Variants in USH2A observed in about 807,000 individuals in gnomAD.
USH2A encodes the protein Usher syndrome 2A (autosomal recessive, mild).
Under a neutral mutation model 538.9 loss-of-function variants are expected in USH2A, and 443 were observed. The observed-to-expected ratio is 0.82, with a 90% CI of 0.76 to 0.89. The LOEUF (loss-of-function observed/expected upper bound fraction) is 0.89. Among genes scored for constraint, USH2A ranks in the 40% least tolerant of loss-of-function variants. USH2A has a pLI of 0.00. For synonymous variants in USH2A, 2,413 were observed against 2,273.5 expected (o/e 1.06, Z -1.75); for missense variants, 6,633 against 6,324.8 (o/e 1.05, Z -1.65).
Position 215,758,734 on chromosome 1 carries a change from T to A in USH2A, c.11250A>T (p.Glu3750Asp), listed in dbSNP as rs1450982768. 4 of 1,613,876 alleles carry A rather than the reference T, an allele frequency of 2.5e-6. No individual in the cohort carries two copies. Among genetic ancestry groups the A allele is most frequent in the South Asian group, 2.2e-5 (2 of 91,090 alleles). Residue 3750 changes from glutamate (E) to aspartate (D), a missense_variant, in exon 58 of 72, where the codon GAA becomes GAT. By Grantham distance (45) the Glu-to-Asp change is conservative. Coordinates refer to ENST00000307340, the MANE Select transcript of USH2A (RefSeq NM_206933.4). ...EPNSRYTYKL[E>D]VKTGGGSSAS... ...CACTGCTGCCACCTCCAGTTTTGAC[T>A]TCTAACTTGTAAGTGTATCTATATT...
chr1:215,673,825 G>C (rs1657901616), intron 63 of USH2A, among the ~76,000 whole-genome samples: 1 of 152,102 alleles, frequency 6.6e-6, no homozygotes, highest in Non-Finnish European at 1.5e-5. Flanking sequence ...CCTCATCTCT[G>C]TCCTACTTAT....
At chr1:216,287,678 G>T (rs2036913403) in intron 11 of USH2A, among the ~76,000 whole-genome samples, 1 of 152,020 alleles carries the variant, frequency 6.6e-6, no homozygotes, top group Non-Finnish European at 1.5e-5. Context: ...TGGTGAAATG[G>T]AGAGACAAAT....
At chr1:215,743,400 G>GTA (rs1290938328) in intron 58 of USH2A, 65 bp from the exon 59 acceptor site, 18 of 438,026 alleles carry the variant, frequency 4.1e-5, no homozygotes, top group South Asian at 1.1e-4. Context: ...GTGTGTGTGT[G>GTA]TGTGTGTGTG....
intron 49 of USH2A, 28 bp downstream of exon 49, chr1:215,813,708 T>C (rs1351247203): frequency 6.2e-7 from 1 of 1,613,586 alleles, no homozygotes; most frequent in Non-Finnish European, 8.5e-7. Flanking sequence ...TCCCATAGTT[T>C]TTGAGTACAC....
chr1:216,070,367 A>C (rs922945566), intron 29 of USH2A, 75 bp from the exon 30 acceptor site: 2 of 1,363,540 alleles, frequency 1.5e-6, no homozygotes, highest in Admixed American at 3.5e-5. Context: ...TTCACTTTTA[A>C]TGGCCGCAGT....
intron 3 of USH2A, among the ~76,000 whole-genome samples, chr1:216,404,030 C>T (rs1347494883): frequency 3.3e-5 from 5 of 152,064 alleles, no homozygotes; most frequent in South Asian, 2.1e-4. Flanking sequence ...CATGTGAAAC[C>T]AAGTCAATTA....
intron 32 of USH2A, among the ~76,000 whole-genome samples, chr1:216,039,540 G>T (rs1280413985): frequency 6.6e-6 from 1 of 151,776 alleles, no homozygotes; most frequent in Non-Finnish European, 1.5e-5. Flanking sequence ...ATTCCTTTAG[G>T]TAATAGTATT....
intron 55 of USH2A, among the ~76,000 whole-genome samples, chr1:215,770,223 C>T (rs990737492): frequency 3.9e-5 from 6 of 152,296 alleles, no homozygotes; most frequent in African/African-American, 1.4e-4. Flanking sequence ...GAATACCAAG[C>T]TCTATGTTCT....
At chr1:216,213,469 A>G (rs2035284362) in intron 15 of USH2A, among the ~76,000 whole-genome samples, 1 of 152,070 alleles carries the variant, frequency 6.6e-6, no homozygotes, top group Non-Finnish European at 1.5e-5. Flanking sequence ...GGGTAATTCA[A>G]TGGGGAAAGG....
rs752189124 is a variant in USH2A at position 216,175,337 on chromosome 1, G to A, written c.4542C>T (p.Thr1514=). ...TGAAACGGATTCCTTTCATCATCGTGGTCATCAGAGCTGGTAGAGATGACT... is the reference window on the plus strand; with the variant it reads ...TGAAACGGATTCCTTTCATCATCGTAGTCATCAGAGCTGGTAGAGATGACT... ...RRESSLPALM[T]TMMKGIRFIG... is the part of the protein sequence containing the mutation. Residue 1514 remains threonine, a synonymous_variant, in exon 21 of 72, where the codon ACC becomes ACT. Coordinates refer to ENST00000307340, the MANE Select transcript of USH2A (RefSeq NM_206933.4). 1.2e-5 allele frequency: 20 copies of A among 1,613,738 alleles called. No individual in the cohort carries two copies. The highest frequency in any genetic ancestry group is 1.7e-5 in the Non-Finnish European group (20 of 1,179,848).
chr1:216,358,788 G>A (rs1478244941), intron 4 of USH2A, among the ~76,000 whole-genome samples: 1 of 152,138 alleles, frequency 6.6e-6, no homozygotes, highest in Middle Eastern at 3.2e-3. Flanking sequence ...CCGGTTTCCT[G>A]TTACATGTTT....
chr1:216,240,984 G>A (rs1462701332), intron 13 of USH2A, among the ~76,000 whole-genome samples: 1 of 152,174 alleles, frequency 6.6e-6, no homozygotes, highest in Non-Finnish European at 1.5e-5. Context: ...CCCTTGGAGA[G>A]TTTTGTTTCC....
chr1:215,969,867 T>C lies in USH2A; in HGVS notation c.6957+758A>G, dbSNP rs147917593. ...TTAGCAAACATTGCCAAAAAATATC[T>C]AAGACTAATGAGCATTTCCATCTAA... On this transcript the variant is annotated intron_variant, in intron 36 of 71. Transcript: ENST00000307340. Among the ~76,000 whole-genome samples, 439 of 152,204 alleles carry C rather than the reference T, an allele frequency of 2.9e-3. 1 individual carries two copies. Among genetic ancestry groups the C allele is most frequent in the African/African-American group, 0.01 (430 of 41,520 alleles).
chr1:216,250,993 G>T lies in USH2A; in HGVS notation c.2077C>A (p.Pro693Thr), dbSNP rs1571622904. The T allele has an allele frequency of 6.2e-7, 1 of 1,613,974 alleles. No individual in the cohort carries two copies. The highest frequency in any genetic ancestry group is 2.2e-5 in the East Asian group (1 of 44,826). ...LQELDPDGCS[P>T]CNCNTSGTVD... ...GTCCCAGAGGTATTGCAGTTACAGG[G>T]ACTGCAGCCATCAGGATCCAACTCT... The change falls in exon 12 of 72, where the codon CCC becomes ACC. Residue 693 changes from proline (P) to threonine (T), a missense_variant. Pro to Thr is a conservative substitution (Grantham distance 38). Coordinates refer to ENST00000307340, the MANE Select transcript of USH2A (RefSeq NM_206933.4).
intron 11 of USH2A, among the ~76,000 whole-genome samples, chr1:216,265,539 T>G (rs1274278452): frequency 6.6e-6 from 1 of 152,058 alleles, no homozygotes; most frequent in Non-Finnish European, 1.5e-5. Flanking sequence ...TGAAGAGATA[T>G]CTGCACTCCC....
chr1:216,000,547 G>T lies in USH2A; in HGVS notation c.6341C>A (p.Thr2114Lys), dbSNP rs777813142. Residue 2114 changes from threonine to lysine, a missense_variant, in exon 33 of 72, where the codon ACA (threonine) becomes AAA (lysine). By Grantham distance (78) the Thr-to-Lys change is moderately conservative. Coordinates refer to ENST00000307340, the MANE Select transcript of USH2A (RefSeq NM_206933.4). ...TGCACTTAGTAGAAACTGGTGGGGTGTAAATACTGCTAAATCTAGGGGATA... is the reference window on the plus strand; with the variant it reads ...TGCACTTAGTAGAAACTGGTGGGGTTTAAATACTGCTAAATCTAGGGGATA... ...NYIVTDLAVFTPHQFLLSACT... is the reference protein window; with the variant it reads ...NYIVTDLAVFKPHQFLLSACT... 6.2e-7 allele frequency: 1 copy of T among 1,613,374 alleles called. No individual in the cohort carries two copies. The highest frequency in any genetic ancestry group is 8.5e-7 in the Non-Finnish European group (1 of 1,179,566).
intron 64 of USH2A, among the ~76,000 whole-genome samples, chr1:215,665,363 T>G (rs1221528281): frequency 6.6e-6 from 1 of 152,202 alleles, no homozygotes; most frequent in Non-Finnish European, 1.5e-5. Context: ...GGCACCAGAA[T>G]GCTTCAGAGA....
intron 61 of USH2A, among the ~76,000 whole-genome samples, chr1:215,700,335 G>C (rs963613265): frequency 1.3e-4 from 20 of 152,264 alleles, no homozygotes; most frequent in African/African-American, 4.6e-4. Context: ...ATGAGTTAGG[G>C]AGGAGTTCTT....
At chr1:215,872,225 A>T (rs1384021990) in intron 43 of USH2A, among the ~76,000 whole-genome samples, 1 of 152,228 alleles carries the variant, frequency 6.6e-6, no homozygotes. Flanking sequence ...CAAACAAAGA[A>T]AAATGAAATG....
Sources: allele counts gnomAD v4.1 joint callset (sites outside exome capture counted in the v4.1 genomes callset), GRCh38; gene constraint gnomAD v4.1.1; transcripts MANE v1.5; gene names NCBI Gene and HGNC (gene_info 2026-07-23, HGNC 2026-07-21).